The following CCDC170 variants were observed in gnomAD, a reference collection of about 807,000 sequenced individuals.
The protein encoded by CCDC170 is coiled-coil domain-containing protein 170.
A neutral mutation model predicts 72.6 loss-of-function variants in CCDC170; 69 were observed. The observed-to-expected ratio is 0.95, with a 90% confidence interval of 0.78 to 1.16. CCDC170 has a LOEUF of 1.16. Ranked by LOEUF, CCDC170 falls within the 50% of genes most tolerant of loss-of-function variation. The probability of loss-of-function intolerance (pLI) is 0.00; values close to 1 mark genes in which losing one functional copy is unlikely to be tolerated. For synonymous variants in CCDC170, 300 were observed against 303.9 expected, an observed-to-expected ratio of 0.99 and a Z score of 0.13; for missense variants, 852 against 832.5, an observed-to-expected ratio of 1.02 and a Z score of -0.29.
chr6:151,521,769 G>A (rs1483159595), intron 1 of CCDC170, among the ~76,000 whole-genome samples: 1 of 152,044 alleles, frequency 6.6e-6, no homozygotes, highest in Non-Finnish European at 1.5e-5. Flanking sequence ...GGATCACGAG[G>A]TCAGGAGATA....
intron 1 of CCDC170, among the ~76,000 whole-genome samples, chr6:151,522,290 A>T (rs78582424): frequency 0.085 from 12,980 of 152,182 alleles, 658 homozygotes; most frequent in Middle Eastern, 0.17. Context: ...TTGCTTTGTT[A>T]TCTTACATGT....
intron 4 of CCDC170, 99 bp downstream of exon 4, chr6:151,544,815 A>C: frequency 8.6e-7 from 1 of 1,168,902 alleles, no homozygotes; most frequent in South Asian, 1.5e-5. Context: ...TGGCAGGAGA[A>C]TGGCACAGTA....
At position 151,548,353 on chromosome 6, in the gene CCDC170, T is replaced by G. The variant is rs1368504560; in HGVS notation, c.638T>G (p.Ile213Ser). The G allele has an allele frequency of 6.2e-7, 1 of 1,607,132 alleles. No homozygotes were observed. The highest frequency in any genetic ancestry group is 8.5e-7 in the Non-Finnish European group (1 of 1,176,614). Residue 213 changes from isoleucine to serine, a missense_variant, in exon 5 of 11, where the codon ATT becomes AGT. Ile to Ser is a moderately radical substitution (Grantham distance 142, BLOSUM62 -2). Coordinates refer to ENST00000239374, the MANE Select transcript of CCDC170 (RefSeq NM_025059.4). ...ENEFVKGQIV[I>S]LEETINVHEM... ...GAATTCGTGAAAGGACAAATTGTTATTCTTGAAGAGACTATAAATGTCCAT... is the reference window on the plus strand; with the variant it reads ...GAATTCGTGAAAGGACAAATTGTTAGTCTTGAAGAGACTATAAATGTCCAT...
chr6:151,577,362 A>G (rs763444685), intron 6 of CCDC170, among the ~76,000 whole-genome samples: 2 of 152,180 alleles, frequency 1.3e-5, no homozygotes, highest in Non-Finnish European at 2.9e-5. Flanking sequence ...TTCTACTGCC[A>G]GGTTCCCACG....
chr6:151,564,215 T>C (rs2115077214), intron 5 of CCDC170, among the ~76,000 whole-genome samples: 1 of 152,344 alleles, frequency 6.6e-6, no homozygotes, highest in South Asian at 2.1e-4. Context: ...GGTAGGGCAC[T>C]TTGGCTCTGA....
intron 1 of CCDC170, among the ~76,000 whole-genome samples, chr6:151,507,051 G>A (rs1162276035): frequency 6.6e-6 from 1 of 152,148 alleles, no homozygotes; most frequent in African/African-American, 2.4e-5. Context: ...GGAGAATCCT[G>A]ACTAATACAC....
intron 6 of CCDC170, among the ~76,000 whole-genome samples, chr6:151,576,091 A>T (rs1776298571): frequency 6.6e-6 from 1 of 152,238 alleles, no homozygotes; most frequent in Non-Finnish European, 1.5e-5. Context: ...GATGGTGTGA[A>T]AGTGATACAC....
chr6:151,597,822 G>A lies in CCDC170; in HGVS notation c.1710+1245G>A, dbSNP rs78947509. Among the ~76,000 whole-genome samples, 292 of 152,320 alleles carry A rather than the reference G, an allele frequency of 1.9e-3. 2 individuals carry two copies. The highest frequency in any genetic ancestry group is 6.9e-3 in the African/African-American group (285 of 41,586). On this transcript the variant is annotated intron_variant, in intron 9 of 10. Coordinates refer to ENST00000239374, the MANE Select transcript of CCDC170 (RefSeq NM_025059.4). The stretch of plus-strand genomic sequence containing the variant: ...ATCATCCTCAGCAGGTGTGCAAATC[G>A]CAAGTACAGTGGACAATAACATCCT...
intron 6 of CCDC170, among the ~76,000 whole-genome samples, chr6:151,574,345 C>G (rs1383003244): frequency 6.6e-6 from 1 of 152,236 alleles, no homozygotes; most frequent in Non-Finnish European, 1.5e-5. Flanking sequence ...CCCGTCTCTG[C>G]TGTACATTCA....
chr6:151,495,400 AT>A (rs986907038), intron 1 of CCDC170, among the ~76,000 whole-genome samples: 2 of 151,056 alleles, frequency 1.3e-5, no homozygotes. Flanking sequence ...ATTAATATAT[AT>A]TTTTTTTGGT....
chr6:151,585,840 C>A (rs1454686071), intron 6 of CCDC170, 49 bp from the exon 7 acceptor site: 1 of 1,567,918 alleles, frequency 6.4e-7, no homozygotes, highest in Admixed American at 1.7e-5. Context: ...GTGAACACTT[C>A]CTTGCATCTG....
At position 151,540,373 on chromosome 6, in the gene CCDC170, C is replaced by CTTTTTTTTTTTT. The variant is rs779650559; in HGVS notation, c.443+2090_443+2101dup. Among the ~76,000 whole-genome samples, 199 of 37,976 alleles carry CTTTTTTTTTTTT rather than the reference C, an allele frequency of 5.2e-3. 64 individuals are homozygous for CTTTTTTTTTTTT. Among genetic ancestry groups the CTTTTTTTTTTTT allele is most frequent in the South Asian group, 0.011 (4 of 376 alleles). 24.9% of individuals were successfully genotyped at this position (37,976 alleles called of 152,430 possible). On this transcript the variant is annotated intron_variant, in intron 3 of 10. Transcript: ENST00000239374. ...CCTCCTCCTCCTTCTTCTGCTGCTG[C>CTTTTTTTTTTTT]TTTTTTTTTTTTTTTTTTTTTTTTT...
rs1776627117 is a variant in CCDC170, at chr6:151,596,510, A to T, written c.1643A>T (p.Glu548Val). The T allele has an allele frequency of 6.2e-7, 1 of 1,614,170 alleles. No homozygotes were observed. The change falls in exon 9 of 11, where the codon GAG (glutamate) becomes GTG (valine). Residue 548 changes from glutamate (E) to valine (V), a missense_variant. Coordinates refer to ENST00000239374, the MANE Select transcript of CCDC170 (RefSeq NM_025059.4). The part of the protein sequence containing the change: ...LQKKVERLQK[E>V]LNTCRDLHTE... ...AAGAAGGTGGAGAGGCTGCAGAAAG[A>T]GCTGAACACGTGTCGAGACTTGCAC...
intron 9 of CCDC170, among the ~76,000 whole-genome samples, chr6:151,603,860 C>T (rs1274800395): frequency 6.6e-6 from 1 of 152,204 alleles, no homozygotes; most frequent in Non-Finnish European, 1.5e-5. Context: ...TACAACACTT[C>T]TTATGTCTCC....
chr6:151,503,971 A>G (rs974502325), intron 1 of CCDC170, among the ~76,000 whole-genome samples: 22 of 152,218 alleles, frequency 1.4e-4, no homozygotes, highest in African/African-American at 5.3e-4. Context: ...CTTGGCAGCT[A>G]CATGCAATGC....
intron 5 of CCDC170, among the ~76,000 whole-genome samples, chr6:151,558,243 T>G (rs139915076): frequency 0.02 from 2,977 of 149,408 alleles, 57 homozygotes; most frequent in Middle Eastern, 0.045. Context: ...TTTTTTTTTT[T>G]TTTTTTTTTT....
chr6:151,579,760 C>T (rs990224648), intron 6 of CCDC170, among the ~76,000 whole-genome samples: 26 of 152,240 alleles, frequency 1.7e-4, no homozygotes, highest in Admixed American at 5.2e-4. Flanking sequence ...CTCCTCATGG[C>T]GACAGCATAG....
In CCDC170 at chr6:151,596,402, C is replaced by T; in HGVS notation, c.1535C>T (p.Ala512Val). 6.2e-7 allele frequency: 1 copy of T among 1,614,010 alleles called. No individual in the cohort carries two copies. Among genetic ancestry groups the T allele is most frequent in the East Asian group, 2.2e-5 (1 of 44,872 alleles). ...LHMSLLRQKI[A>V]QLEEEKQART... ...ATGAGCCTCCTCCGGCAGAAAATAGCCCAGCTGGAGGAGGAGAAGCAGGCA... is the reference window on the plus strand; with the variant it reads ...ATGAGCCTCCTCCGGCAGAAAATAGTCCAGCTGGAGGAGGAGAAGCAGGCA... The change falls in exon 9 of 11, where the codon GCC becomes GTC. Residue 512 changes from alanine (A) to valine (V), a missense_variant. By Grantham distance (64) the Ala-to-Val change is moderately conservative. Transcript: ENST00000239374.
chr6:151,556,890 C>A (rs1192865230), intron 5 of CCDC170, among the ~76,000 whole-genome samples: 1 of 152,202 alleles, frequency 6.6e-6, no homozygotes, highest in Non-Finnish European at 1.5e-5. Context: ...CTCCCACCCA[C>A]TTACCCTTCC....
Sources: allele counts gnomAD v4.1 joint callset (sites outside exome capture counted in the v4.1 genomes callset), GRCh38; gene constraint gnomAD v4.1.1; transcripts MANE v1.5; gene names NCBI Gene and HGNC (gene_info 2026-07-23, HGNC 2026-07-21).